CDCP2: variants seen among roughly 807,000 people sequenced by gnomAD.
The protein encoded by CDCP2 is CUB domain-containing protein 2.
CDCP2 carries 31 observed loss-of-function variants against 31.0 expected under a neutral mutation model. The observed-to-expected ratio is 1.00, with a 90% confidence interval of 0.75 to 1.35. The LOEUF is 1.35. CDCP2 is among the 40% of genes most tolerant of loss of function. The probability of loss-of-function intolerance (pLI) is 0.00; values close to 1 mark genes in which losing one functional copy is unlikely to be tolerated. For synonymous variants in CDCP2, 206 were observed against 207.9 expected (o/e 0.99, Z 0.08); for missense variants, 443 against 482.6 (o/e 0.92, Z 0.77).
intron 1 of CDCP2, among the ~76,000 whole-genome samples, chr1:54,151,747 T>C (rs1659587433): frequency 6.6e-6 from 1 of 151,982 alleles, no homozygotes; most frequent in Admixed American, 6.6e-5. Flanking sequence ...CACAGACAGG[T>C]AAACAATGCT....
At chr1:54,139,007 T>C (rs1013357619) in intron 4 of CDCP2, 3 of 156,116 alleles carry the variant, frequency 1.9e-5, no homozygotes, top group Admixed American at 6.1e-5. Flanking sequence ...GAAAGCCAAA[T>C]ACCAGCTCCC....
chr1:54,152,970 G>A, upstream of CDCP2: 4 of 1,569,974 alleles, frequency 2.5e-6, no homozygotes, highest in Non-Finnish European at 3.5e-6. Context: ...GGTAGGCCAG[G>A]ATCTCAGGGT....
intron 1 of CDCP2, among the ~76,000 whole-genome samples, chr1:54,150,529 A>G (rs1341016716): frequency 6.6e-6 from 1 of 152,048 alleles, no homozygotes; most frequent in Non-Finnish European, 1.5e-5. Flanking sequence ...CGGGAGGCAG[A>G]GGCTGCACTG....
chr1:54,140,458 C>T, intron 3 of CDCP2: 1 of 370,598 alleles, frequency 2.7e-6, no homozygotes, highest in Non-Finnish European at 5.1e-6. Context: ...TCATGCCTGG[C>T]CTTTCCCCTT....
At chr1:54,137,379 G>A (rs1042904121) in intron 4 of CDCP2, among the ~76,000 whole-genome samples, 3 of 152,146 alleles carry the variant, frequency 2.0e-5, no homozygotes, top group Admixed American at 6.5e-5. Context: ...AGAGTAGAGC[G>A]AATCGGAACT....
At chr1:54,144,722 G>C in exon 2 of CDCP2, 1 of 1,614,258 alleles carries the variant, frequency 6.2e-7, no homozygotes, top group Non-Finnish European at 8.5e-7. Context: ...CGATCAGCCA[G>C]CTGCACTCTG....
At chr1:54,139,094 G>A (rs1315424441) in intron 4 of CDCP2, 1 of 164,420 alleles carries the variant, frequency 6.1e-6, no homozygotes, top group Non-Finnish European at 1.3e-5. Context: ...TCTTATGAGA[G>A]GTTCTAGAGA....
chr1:54,148,138 A>G (rs1659508172), intron 1 of CDCP2, among the ~76,000 whole-genome samples: 1 of 151,886 alleles, frequency 6.6e-6, no homozygotes, highest in Non-Finnish European at 1.5e-5. Flanking sequence ...AAGGTAAAAC[A>G]TGATTTGGTT....
chr1:54,132,697 C>A (rs1659186271), downstream of CDCP2: 1 of 319,026 alleles, frequency 3.1e-6, no homozygotes, highest in Non-Finnish European at 5.7e-6. Flanking sequence ...TTTTCTACAG[C>A]AGAATATCTT....
At chr1:54,143,349 A>C (rs1331514626) in intron 2 of CDCP2, 2 of 152,308 alleles carry the variant, frequency 1.3e-5, no homozygotes, top group Non-Finnish European at 2.9e-5. Context: ...CAAAACAAAC[A>C]AACAAACAAA....
intron 2 of CDCP2, chr1:54,141,682 T>G (rs1659378609): frequency 2.5e-6 from 1 of 395,502 alleles, no homozygotes; most frequent in Non-Finnish European, 4.5e-6. Context: ...TCTCTGATTT[T>G]ATAATTAAGA....
At chr1:54,139,717 C>A in intron 4 of CDCP2, 36 bp downstream of exon 4, 1 of 1,614,168 alleles carries the variant, frequency 6.2e-7, no homozygotes. Flanking sequence ...GCCTCCCCTT[C>A]GCCCTCAGTG....
intron 1 of CDCP2, among the ~76,000 whole-genome samples, chr1:54,149,096 T>C (rs1481001463): frequency 1.3e-5 from 2 of 150,190 alleles, no homozygotes; most frequent in African/African-American, 4.9e-5. Flanking sequence ...CCAGGAGTGA[T>C]GGAGTGCTCC....
intron 1 of CDCP2, among the ~76,000 whole-genome samples, chr1:54,146,228 G>A (rs1659467148): frequency 6.7e-6 from 1 of 148,438 alleles, no homozygotes; most frequent in African/African-American, 2.6e-5. Context: ...AGCCCAGGCT[G>A]GAGTGCAGTG....
rs534854917 is a variant in CDCP2, at chr1:54,139,897, C to T, written c.973G>A (p.Ala325Thr). The T allele has an allele frequency of 3.1e-6, 5 of 1,614,144 alleles. No individual in the cohort carries two copies. The African/African-American group carries it at 5.3e-5, about 17-fold the overall frequency. The change falls in exon 4 of 6, where the codon GCC (alanine) becomes ACC (threonine). Residue 325 changes from alanine to threonine, a missense_variant. Ala to Thr is a moderately conservative substitution (Grantham distance 58, BLOSUM62 0). Coordinates refer to ENST00000530059, the Ensembl canonical transcript of CDCP2. ...CCCAGCAGGGGTGCCTCCTCGCTGG[C>T]CCCATCGAAGGCCGCCAGATGGTCA...
At chr1:54,139,414 C>A in intron 4 of CDCP2, 1 of 882,356 alleles carries the variant, frequency 1.1e-6, no homozygotes, top group Non-Finnish European at 1.7e-6. Flanking sequence ...ACAATATTAC[C>A]ATATTTTGTC....
exon 2 of CDCP2, chr1:54,144,674 A>C: frequency 1.2e-6 from 2 of 1,614,238 alleles, no homozygotes; most frequent in East Asian, 4.5e-5. Context: ...GGTCAAAGGC[A>C]TGGAAGGTGA....
At chr1:54,146,713 T>C (rs532812172) in intron 1 of CDCP2, among the ~76,000 whole-genome samples, 3 of 151,924 alleles carry the variant, frequency 2.0e-5, no homozygotes, top group South Asian at 4.1e-4. Context: ...CCAGGTTTAA[T>C]ACAGGAAATA....
chr1:54,135,558 C>T (rs939414207), intron 5 of CDCP2, among the ~76,000 whole-genome samples: 6 of 152,072 alleles, frequency 3.9e-5, no homozygotes, highest in African/African-American at 1.2e-4. Flanking sequence ...GTCTATGAGT[C>T]ATTGGTTCTA....
Sources: gnomAD v4.1 joint callset for allele counts (sites outside exome capture counted in the v4.1 genomes callset) on GRCh38, gnomAD v4.1.1 for gene constraint, MANE v1.5 for transcripts, NCBI Gene and HGNC (gene_info 2026-07-23, HGNC 2026-07-21) for gene names.